The following TTC28 variants were observed in gnomAD, a reference collection of about 807,000 sequenced individuals.
The protein encoded by TTC28 is tetratricopeptide repeat protein 28.
In TTC28, 61 loss-of-function variants were observed where a neutral mutation model predicts 198.0. The ratio of observed to expected loss-of-function variants is 0.31; its 90% CI spans 0.25 to 0.38. TTC28 has a LOEUF of 0.38. Among genes scored for constraint, TTC28 ranks in the 10% least tolerant of loss-of-function variants. TTC28 has a pLI of 1.00. For missense variants in TTC28, 2,678 were observed against 3,164.0 expected, an observed-to-expected ratio of 0.85 and a Z score of 3.69; for synonymous variants, 1,171 against 1,297.8, an observed-to-expected ratio of 0.90 and a Z score of 2.10.
rs192579175 is a variant in TTC28, at chr22:28,533,026, T to C, written c.381+96526A>G. ...CAGGGATGCCCTCTCTCACAACTCC[T>C]ATTCGACATAGTGTTGGAAGTTCTG... is the stretch of plus-strand genomic sequence containing the variant. On this transcript the variant is annotated intron_variant, in intron 2 of 22. Coordinates refer to ENST00000397906, the MANE Select transcript of TTC28 (RefSeq NM_001145418.2). Among the ~76,000 whole-genome samples the C allele has an allele frequency of 3.9e-5, 6 of 152,296 alleles. No individual in the cohort carries two copies. The East Asian group carries it at 1.2e-3, about 29-fold the overall frequency.
chr22:28,011,648 C>T (rs1351563130), intron 14 of TTC28, among the ~76,000 whole-genome samples: 3 of 151,950 alleles, frequency 2.0e-5, no homozygotes, highest in East Asian at 1.9e-4. Flanking sequence ...GATGAGGAAC[C>T]CATGGATATG....
In TTC28 at chr22:27,990,023, C is replaced by T; in HGVS notation, c.5578-16G>A. Reference sequence around the variant, plus strand: ...CCTGGTGGAGCTGAGGAAGGGGGGACAGCGTGAGCACCCTGTGTCTCCTTC... The same window carrying T: ...CCTGGTGGAGCTGAGGAAGGGGGGATAGCGTGAGCACCCTGTGTCTCCTTC... On this transcript the variant is annotated splice_polypyrimidine_tract_variant and intron_variant, in intron 20 of 22. Coordinates refer to ENST00000397906, the MANE Select transcript of TTC28 (RefSeq NM_001145418.2). The T allele has an allele frequency of 1.9e-6, 3 of 1,548,142 alleles. No homozygotes were observed. The Admixed American group carries it at 5.9e-5, about 30-fold the overall frequency.
chr22:28,362,986 C>T (rs1273593805), intron 2 of TTC28, among the ~76,000 whole-genome samples: 2 of 152,068 alleles, frequency 1.3e-5, no homozygotes, highest in Non-Finnish European at 2.9e-5. Flanking sequence ...ACAACAACAA[C>T]AACAAAAAAC....
chr22:28,069,061 G>A (rs1376736917), intron 12 of TTC28, among the ~76,000 whole-genome samples: 1 of 152,146 alleles, frequency 6.6e-6, no homozygotes, highest in Non-Finnish European at 1.5e-5. Context: ...GTTTCCAGAA[G>A]AGGAGGACAA....
intron 6 of TTC28, among the ~76,000 whole-genome samples, chr22:28,135,283 C>A (rs2146972480): frequency 6.6e-6 from 1 of 152,226 alleles, no homozygotes; most frequent in Non-Finnish European, 1.5e-5. Context: ...CTACGTCATT[C>A]TTTGGGTTCT....
intron 2 of TTC28, among the ~76,000 whole-genome samples, chr22:28,586,108 C>A (rs777122071): frequency 6.6e-6 from 1 of 151,532 alleles, no homozygotes; most frequent in East Asian, 1.9e-4. Flanking sequence ...GTGAAACCCC[C>A]TCTCTACAAA....
chr22:28,391,869 G>T (rs1358273937), intron 2 of TTC28, among the ~76,000 whole-genome samples: 1 of 152,216 alleles, frequency 6.6e-6, no homozygotes, highest in African/African-American at 2.4e-5. Flanking sequence ...GTCCAGCTTT[G>T]TTCCGTTGCT....
chr22:28,462,314 T>C (rs998771987), intron 2 of TTC28, among the ~76,000 whole-genome samples: 1 of 152,134 alleles, frequency 6.6e-6, no homozygotes, highest in Non-Finnish European at 1.5e-5. Flanking sequence ...TTAAGAGCCA[T>C]AATGTGGTTC....
At chr22:28,244,918 A>G (rs777224971) in intron 5 of TTC28, among the ~76,000 whole-genome samples, 3 of 152,204 alleles carry the variant, frequency 2.0e-5, no homozygotes, top group Non-Finnish European at 2.9e-5. Flanking sequence ...GGCCATCCAC[A>G]TACACCTAGA....
At position 28,544,486 on chromosome 22, in the gene TTC28, C is replaced by T. The variant is rs1020004398; in HGVS notation, c.381+85066G>A. Among the ~76,000 whole-genome samples the T allele has an allele frequency of 3.9e-5, 6 of 152,260 alleles. No homozygotes were observed. The South Asian group carries it at 1.2e-3, about 32-fold the overall frequency. ...ATAAGGCTTCTATAAGAAAACTTAA[C>T]AGCTAACATTGTCAGAGGCATTTGA... On this transcript the variant is annotated intron_variant, in intron 2 of 22. Transcript: ENST00000397906.
At chr22:28,012,286 C>T (rs1200957957) in intron 14 of TTC28, among the ~76,000 whole-genome samples, 7 of 152,210 alleles carry the variant, frequency 4.6e-5, no homozygotes, top group South Asian at 4.2e-4. Flanking sequence ...AAAAGGAGGA[C>T]GCAGGAGAGG....
intron 6 of TTC28, among the ~76,000 whole-genome samples, chr22:28,148,118 T>C (rs1240939481): frequency 6.6e-6 from 1 of 152,234 alleles, no homozygotes; most frequent in Admixed American, 6.5e-5. Flanking sequence ...TAATATATTA[T>C]TTAGTTAGCC....
chr22:28,655,827 G>A (rs1055378219), intron 1 of TTC28, among the ~76,000 whole-genome samples: 31 of 151,300 alleles, frequency 2.0e-4, no homozygotes, highest in Admixed American at 3.9e-4. Context: ...CTCCAGCCTG[G>A]GCGACAGAGC....
intron 2 of TTC28, among the ~76,000 whole-genome samples, chr22:28,349,629 G>T (rs2045962315): frequency 6.6e-6 from 1 of 152,082 alleles, no homozygotes; most frequent in African/African-American, 2.4e-5. Context: ...AACCTCTCTG[G>T]ACCTCAGTTT....
In TTC28 at chr22:28,342,225, TTTAAA is replaced by T. The variant is rs567816472; in HGVS notation, c.382-35587_382-35583del. On this transcript the variant is annotated intron_variant, in intron 2 of 22. Coordinates refer to ENST00000397906, the MANE Select transcript of TTC28 (RefSeq NM_001145418.2). ...ATGTTAAACAAAAAGCTAATATTAC[TTTAAA>T]TTATTTTACAGTTAAGCTTGAGATT... Among the ~76,000 whole-genome samples the T allele has an allele frequency of 2.4e-3, 358 of 152,332 alleles. 6 individuals are homozygous for T. Among genetic ancestry groups the T allele is most frequent in the Admixed American group, 2.0e-3 (30 of 15,304 alleles).
chr22:27,992,965 C>T, intron 18 of TTC28: 1 of 558,036 alleles, frequency 1.8e-6, no homozygotes, highest in African/African-American at 1.9e-5. Flanking sequence ...GTTGGCCGCA[C>T]AGCTTCATCG....
chr22:28,247,047 T>C (rs1366837465), intron 5 of TTC28, among the ~76,000 whole-genome samples: 1 of 152,172 alleles, frequency 6.6e-6, no homozygotes, highest in East Asian at 1.9e-4. Flanking sequence ...CCCTGGGCAG[T>C]TACGCCAAAT....
At chr22:28,385,113 C>T (rs1270683550) in intron 2 of TTC28, among the ~76,000 whole-genome samples, 3 of 149,068 alleles carry the variant, frequency 2.0e-5, no homozygotes, top group Non-Finnish European at 3.0e-5. Context: ...TGCACTCCAG[C>T]CTGGGCAACA....
intron 12 of TTC28, among the ~76,000 whole-genome samples, chr22:28,042,274 T>G (rs1239084482): frequency 2.0e-5 from 3 of 152,060 alleles, no homozygotes; most frequent in Non-Finnish European, 4.4e-5. Flanking sequence ...TAAAGACACA[T>G]GCACACGTAT....
Sources: gnomAD v4.1 joint callset for allele counts (sites outside exome capture counted in the v4.1 genomes callset) on GRCh38, gnomAD v4.1.1 for gene constraint, MANE v1.5 for transcripts, NCBI Gene and HGNC (gene_info 2026-07-23, HGNC 2026-07-21) for gene names.